ANKS1B: variants seen among roughly 807,000 people sequenced by gnomAD.
ANKS1B encodes ankyrin repeat and sterile alpha motif domain containing 1B, also known as ankyrin repeat and sterile alpha motif domain-containing protein 1B.
Under a neutral mutation model 148.3 loss-of-function variants are expected in ANKS1B, and 36 were observed. The observed-to-expected ratio is 0.24, with a 90% CI of 0.19 to 0.32. The LOEUF (loss-of-function observed/expected upper bound fraction) is 0.32. Ranked by LOEUF, ANKS1B falls within the 10% of genes least tolerant of loss-of-function variation. The pLI, the probability that ANKS1B is intolerant of heterozygous loss-of-function variation, is 1.00. For synonymous variants in ANKS1B, 542 were observed against 560.8 expected, an observed-to-expected ratio of 0.97 and a Z score of 0.47; for missense variants, 1,157 against 1,542.6, an observed-to-expected ratio of 0.75 and a Z score of 4.19.
At chr12:99,005,225 G>A (rs1459861459) in intron 17 of ANKS1B, among the ~76,000 whole-genome samples, 1 of 152,158 alleles carries the variant, frequency 6.6e-6, no homozygotes, top group Non-Finnish European at 1.5e-5. Context: ...TAGCTGTGAT[G>A]GGCTCCATTC....
intron 12 of ANKS1B, among the ~76,000 whole-genome samples, chr12:99,326,999 T>A (rs1310823353): frequency 7.2e-6 from 1 of 138,966 alleles, no homozygotes; most frequent in East Asian, 2.0e-4. Flanking sequence ...TAATATATAA[T>A]ACATAATTTA....
intron 14 of ANKS1B, among the ~76,000 whole-genome samples, chr12:99,209,256 A>G (rs931675334): frequency 8.5e-5 from 13 of 152,206 alleles, no homozygotes; most frequent in Admixed American, 3.3e-4. Context: ...TTCTGCATTT[A>G]TGTAAATAAT....
intron 12 of ANKS1B, among the ~76,000 whole-genome samples, chr12:99,365,781 T>C (rs563337659): frequency 1.2e-4 from 19 of 152,198 alleles, no homozygotes; most frequent in African/African-American, 4.3e-4. Flanking sequence ...CAGGTACCTC[T>C]TCTGATGGAG....
chr12:98,838,459 AT>A (rs11309246), intron 17 of ANKS1B, among the ~76,000 whole-genome samples: 39,212 of 152,042 alleles, frequency 0.26, 5,554 homozygotes, highest in Admixed American at 0.31. Flanking sequence ...CATATTTTGC[AT>A]TTTGTTATGT....
chr12:99,795,834 T>C (rs1171829861), intron 4 of ANKS1B, among the ~76,000 whole-genome samples: 1 of 152,058 alleles, frequency 6.6e-6, no homozygotes, highest in African/African-American at 2.4e-5. Context: ...CCATCTTAAC[T>C]AAGCACTTAC....
intron 17 of ANKS1B, chr12:98,894,831 C>T (rs971646879): frequency 4.1e-6 from 4 of 982,010 alleles, no homozygotes; most frequent in African/African-American, 1.8e-5. Flanking sequence ...AGCTTGGCCG[C>T]GCCGCGCTGC....
At chr12:99,494,417 C>G (rs1324956387) in intron 10 of ANKS1B, among the ~76,000 whole-genome samples, 1 of 152,052 alleles carries the variant, frequency 6.6e-6, no homozygotes, top group Non-Finnish European at 1.5e-5. Flanking sequence ...TTTGCTACTG[C>G]TTTTCAAACG....
At chr12:98,920,027 G>A (rs1015070354) in intron 17 of ANKS1B, among the ~76,000 whole-genome samples, 1 of 152,190 alleles carries the variant, frequency 6.6e-6, no homozygotes, top group Non-Finnish European at 1.5e-5. Flanking sequence ...AGCAAATTGG[G>A]TGGCTTAAAC....
intron 9 of ANKS1B, among the ~76,000 whole-genome samples, chr12:99,609,586 CAGAG>C (rs139363143): frequency 0.02 from 3,008 of 151,000 alleles, 101 homozygotes; most frequent in African/African-American, 0.069. Flanking sequence ...CACGATAAAA[CAGAG>C]AGCATTCAGG....
In ANKS1B at chr12:98,801,243, G is replaced by T; in HGVS notation, c.3142-118C>A. Reference sequence around the variant, plus strand: ...TGAATGTACCAAAATGCATTTGGGTGTCTTATGTGAATATAAATACTTGGT... The same window carrying T: ...TGAATGTACCAAAATGCATTTGGGTTTCTTATGTGAATATAAATACTTGGT... On this transcript the variant is annotated intron_variant, in intron 20 of 26. Coordinates refer to ENST00000683438, the MANE Select transcript of ANKS1B (RefSeq NM_001352186.2). The surrounding 1 kb of genome is among the most constrained non-coding windows in gnomAD (Gnocchi z 5.2). 1 of 907,872 alleles carries T rather than the reference G, an allele frequency of 1.1e-6. No individual in the cohort carries two copies. Among genetic ancestry groups the T allele is most frequent in the Non-Finnish European group, 1.6e-6 (1 of 620,458 alleles). The allele number at this position is 907,872 out of a possible 1,614,324, so 56.2% of individuals were successfully genotyped here.
At chr12:99,505,301 C>T (rs2096698871) in intron 9 of ANKS1B, among the ~76,000 whole-genome samples, 1 of 152,050 alleles carries the variant, frequency 6.6e-6, no homozygotes, top group Admixed American at 6.6e-5. Flanking sequence ...GGGCCAGTTT[C>T]TCCAGTCTTC....
At chr12:99,177,600 C>CT (rs1277501400) in intron 14 of ANKS1B, among the ~76,000 whole-genome samples, 1 of 152,206 alleles carries the variant, frequency 6.6e-6, no homozygotes, top group Non-Finnish European at 1.5e-5. Context: ...CAAGTTTACA[C>CT]TTATGTATGT....
chr12:99,431,486 G>A (rs2095369138), intron 11 of ANKS1B, among the ~76,000 whole-genome samples: 1 of 152,190 alleles, frequency 6.6e-6, no homozygotes, highest in South Asian at 2.1e-4. Flanking sequence ...TTCAAATTAA[G>A]TTTTGTGCAT....
chr12:99,593,283 T>A (rs2097722836), intron 9 of ANKS1B, among the ~76,000 whole-genome samples: 1 of 152,006 alleles, frequency 6.6e-6, no homozygotes, highest in African/African-American at 2.4e-5. Context: ...ACAGTCCTCA[T>A]GAAGTACAGT....
intron 19 of ANKS1B, among the ~76,000 whole-genome samples, chr12:98,820,650 T>A (rs911378120): frequency 1.3e-5 from 2 of 152,170 alleles, no homozygotes; most frequent in African/African-American, 2.4e-5. Flanking sequence ...TGAAATATAA[T>A]GAAATATTTT....
chr12:99,490,358 CT>C (rs1356372874), intron 10 of ANKS1B, among the ~76,000 whole-genome samples: 47 of 152,332 alleles, frequency 3.1e-4, no homozygotes, highest in Admixed American at 1.7e-3. Context: ...AACTATTCCC[CT>C]ATTCTGTTTT....
At chr12:99,145,909 C>T (rs1057175977) in intron 15 of ANKS1B, among the ~76,000 whole-genome samples, 10 of 151,470 alleles carry the variant, frequency 6.6e-5, no homozygotes, top group Admixed American at 4.0e-4. Context: ...TAATATTGAC[C>T]GTATTGGTGA....
intron 17 of ANKS1B, among the ~76,000 whole-genome samples, chr12:98,896,665 A>G (rs1419885562): frequency 6.6e-6 from 1 of 152,246 alleles, no homozygotes; most frequent in East Asian, 1.9e-4. Flanking sequence ...TAACATGTAA[A>G]ATAAAAAAGA....
chr12:99,373,267 A>G (rs1017792004), intron 12 of ANKS1B, among the ~76,000 whole-genome samples: 19 of 152,194 alleles, frequency 1.2e-4, no homozygotes, highest in Non-Finnish European at 2.9e-5. Flanking sequence ...GAGTCAGTAG[A>G]TGCATCAAGA....
Sources: gnomAD v4.1 joint callset for allele counts (sites outside exome capture counted in the v4.1 genomes callset) on GRCh38, gnomAD v4.1.1 for gene constraint, Gnocchi (gnomAD v3.1) non-coding constraint, MANE v1.5 for transcripts, NCBI Gene and HGNC (gene_info 2026-07-23, HGNC 2026-07-21) for gene names.